Variants in NR1H4 observed in about 807,000 individuals in gnomAD.
NR1H4 encodes nuclear receptor subfamily 1 group H member 4.
A neutral mutation model predicts 58.5 loss-of-function variants in NR1H4; 23 were observed. The observed-to-expected ratio is 0.39, with a 90% CI of 0.28 to 0.56. The LOEUF (loss-of-function observed/expected upper bound fraction) is 0.56, where lower values mean the gene tolerates loss of function less well. Ranked by LOEUF, NR1H4 falls within the 20% of genes least tolerant of loss-of-function variation. NR1H4 has a pLI of 0.58. For synonymous variants in NR1H4, 214 were observed against 198.0 expected, an observed-to-expected ratio of 1.08 and a Z score of -0.68; for missense variants, 487 against 576.9, an observed-to-expected ratio of 0.84 and a Z score of 1.60.
chr12:100,558,098 CG>C (rs1330020628), intron 9 of NR1H4, among the ~76,000 whole-genome samples: 1 of 151,364 alleles, frequency 6.6e-6, no homozygotes, highest in Non-Finnish European at 1.5e-5. Flanking sequence ...TGGTGGCTCA[CG>C]CCTATAATCC....
intron 1 of NR1H4, among the ~76,000 whole-genome samples, chr12:100,492,252 G>A (rs1357990509): frequency 6.6e-6 from 1 of 152,112 alleles, no homozygotes; most frequent in Non-Finnish European, 1.5e-5. Context: ...GACATTTGGT[G>A]AGTGAGAGAG....
chr12:100,535,287 T>G (rs945396945), intron 6 of NR1H4, among the ~76,000 whole-genome samples: 9 of 152,370 alleles, frequency 5.9e-5, no homozygotes, highest in Non-Finnish European at 1.3e-4. Flanking sequence ...AATGATTTGG[T>G]GTATAAAATG....
At chr12:100,532,712 C>A in intron 5 of NR1H4, 102 bp downstream of exon 5, 3 of 1,050,544 alleles carry the variant, frequency 2.9e-6, no homozygotes, top group East Asian at 2.4e-5. Flanking sequence ...AAGAAGGAAC[C>A]TACTAAGCCA....
intron 9 of NR1H4, among the ~76,000 whole-genome samples, chr12:100,542,086 C>T (rs1312679665): frequency 2.6e-5 from 4 of 152,044 alleles, no homozygotes; most frequent in Non-Finnish European, 4.4e-5. Context: ...TGGCTCACGC[C>T]TATAATCCCA....
At chr12:100,523,219 AT>A (rs1197600509) in intron 4 of NR1H4, among the ~76,000 whole-genome samples, 1 of 152,048 alleles carries the variant, frequency 6.6e-6, no homozygotes, top group Non-Finnish European at 1.5e-5. Context: ...AAAATCTATT[AT>A]TTTTTGACTT....
At chr12:100,503,625 A>T (rs746952981) in intron 3 of NR1H4, 36 of 897,360 alleles carry the variant, frequency 4.0e-5, no homozygotes, top group Middle Eastern at 2.9e-4. Flanking sequence ...GACCCAGAAG[A>T]CTGGAATGAG....
intron 3 of NR1H4, among the ~76,000 whole-genome samples, chr12:100,505,016 G>A (rs1393462669): frequency 1.3e-5 from 2 of 152,080 alleles, no homozygotes; most frequent in Admixed American, 1.3e-4. Context: ...ACATCACAAA[G>A]GCCTGATGCC....
At chr12:100,540,612 G>T in intron 8 of NR1H4, 60 bp from the exon 9 acceptor site, 1 of 1,549,954 alleles carries the variant, frequency 6.5e-7, no homozygotes, top group Non-Finnish European at 8.9e-7. Flanking sequence ...CAATGGCAAT[G>T]ATGGTGATCA....
intron 3 of NR1H4, among the ~76,000 whole-genome samples, chr12:100,493,790 G>A (rs1360389126): frequency 6.6e-6 from 1 of 152,134 alleles, no homozygotes; most frequent in Non-Finnish European, 1.5e-5. Context: ...AGTTTACTTA[G>A]GTTATAGCTG....
At chr12:100,514,119 C>T (rs920853224) in intron 4 of NR1H4, among the ~76,000 whole-genome samples, 7 of 152,178 alleles carry the variant, frequency 4.6e-5, no homozygotes, top group Non-Finnish European at 7.3e-5. Context: ...TTAGCACTAA[C>T]ATGAATTGTC....
chr12:100,560,016 C>T (rs1955429622), intron 9 of NR1H4, among the ~76,000 whole-genome samples: 1 of 151,918 alleles, frequency 6.6e-6, no homozygotes. Context: ...ATTGTAAATA[C>T]ACCAATCAGC....
intron 9 of NR1H4, 141 bp from the exon 10 acceptor site, chr12:100,561,744 A>G (rs1593144510): frequency 1.7e-6 from 1 of 598,320 alleles, no homozygotes; most frequent in Non-Finnish European, 3.0e-6. Flanking sequence ...CTTTGGACAT[A>G]TAATAAAAAT....
rs544879216 is a variant in NR1H4 at position 100,533,989 on chromosome 12, C to T, written c.599-901C>T. On this transcript the variant is annotated intron_variant, in intron 5 of 10. Transcript: ENST00000392986. ...TCGGCTCACTGCAAGCTCCGCTTCC[C>T]GGGTTCACGCCATTCTCCTGCCTCA... is the stretch of plus-strand genomic sequence containing the variant. Among the ~76,000 whole-genome samples, 152 of 151,876 alleles carry T rather than the reference C, an allele frequency of 1.0e-3. 1 individual carries two copies. Among genetic ancestry groups the T allele is most frequent in the Admixed American group, 1.9e-3 (29 of 15,280 alleles).
intron 4 of NR1H4, among the ~76,000 whole-genome samples, chr12:100,519,495 G>A (rs921545484): frequency 1.3e-5 from 2 of 152,102 alleles, no homozygotes; most frequent in Admixed American, 1.3e-4. Context: ...GGGGTACTGA[G>A]CACACTCTTC....
chr12:100,505,359 A>G (rs1953935030), intron 3 of NR1H4, among the ~76,000 whole-genome samples: 1 of 152,224 alleles, frequency 6.6e-6, no homozygotes, highest in Non-Finnish European at 1.5e-5. Context: ...TGGCTATTCA[A>G]CTTTAACTTA....
chr12:100,540,585 T>C, intron 8 of NR1H4, 87 bp from the exon 9 acceptor site: 1 of 1,414,312 alleles, frequency 7.1e-7, no homozygotes, highest in East Asian at 2.3e-5. Context: ...CAGAATCACT[T>C]GATGTAAATG....
chr12:100,485,262 C>A (rs1015104226), intron 1 of NR1H4, among the ~76,000 whole-genome samples: 1 of 152,108 alleles, frequency 6.6e-6, no homozygotes, highest in Non-Finnish European at 1.5e-5. Context: ...GTATTGCAAC[C>A]ACAGTACTTA....
At position 100,549,855 on chromosome 12, in the gene NR1H4, T is replaced by C. The variant is rs187977023; in HGVS notation, c.1078+9037T>C. Among the ~76,000 whole-genome samples the C allele has an allele frequency of 8.2e-3, 1,247 of 152,302 alleles. 15 individuals carry two copies. The highest frequency in any genetic ancestry group is 0.02 in the Middle Eastern group (6 of 294). On this transcript the variant is annotated intron_variant, in intron 9 of 10. Coordinates refer to ENST00000392986, the MANE Select transcript of NR1H4 (RefSeq NM_001206979.2). The stretch of plus-strand genomic sequence containing the variant: ...CTTCTCCCAGTGGGTTTTCAGAACA[T>C]TGCCTCTTCCACACAACACATAAAA...
Position 100,534,944 on chromosome 12 carries a change from A to G in NR1H4, c.653A>G (p.Gln218Arg). Reference protein sequence around the residue: ...KSKRLRKNVKQHADQTVNEDS... With the variant: ...KSKRLRKNVKRHADQTVNEDS... ...AAGCGACTGAGAAAAAATGTGAAGC[A>G]GCATGCAGATCAGACCGTGAATGAA... is the stretch of plus-strand genomic sequence containing the variant. The change falls in exon 6 of 11, where the codon CAG becomes CGG. Residue 218 changes from glutamine (Q) to arginine (R), a missense_variant. Physicochemically the swap from Gln to Arg is conservative, Grantham distance 43. Transcript: ENST00000392986. 1.2e-6 allele frequency: 2 copies of G among 1,614,260 alleles called. No homozygotes were observed. Among genetic ancestry groups the G allele is most frequent in the Non-Finnish European group, 1.7e-6 (2 of 1,180,040 alleles).
Sources: allele counts gnomAD v4.1 joint callset (sites outside exome capture counted in the v4.1 genomes callset), GRCh38; gene constraint gnomAD v4.1.1; transcripts MANE v1.5; gene names NCBI Gene and HGNC (gene_info 2026-07-23, HGNC 2026-07-21).